DOCK4: variants seen among roughly 807,000 people sequenced by gnomAD.
The protein encoded by DOCK4 is dedicator of cytokinesis 4.
A neutral mutation model predicts 268.1 loss-of-function variants in DOCK4; 97 were observed. The ratio of observed to expected loss-of-function variants is 0.36; its 90% CI spans 0.31 to 0.43. DOCK4 has a LOEUF of 0.43. DOCK4 is among the 20% of genes least tolerant of loss of function. DOCK4 has a pLI of 1.00. For missense variants in DOCK4, 2,145 were observed against 2,455.7 expected, an observed-to-expected ratio of 0.87 and a Z score of 2.67; for synonymous variants, 954 against 887.2, an observed-to-expected ratio of 1.08 and a Z score of -1.34.
chr7:111,896,341 G>C (rs1473143544), intron 15 of DOCK4, among the ~76,000 whole-genome samples: 2 of 152,128 alleles, frequency 1.3e-5, no homozygotes, highest in Non-Finnish European at 2.9e-5. Flanking sequence ...GAGGCGATGA[G>C]GTTTTCAGAT....
chr7:112,139,000 T>G (rs1193695946), intron 1 of DOCK4, among the ~76,000 whole-genome samples: 2 of 152,208 alleles, frequency 1.3e-5, no homozygotes, highest in Admixed American at 6.5e-5. Context: ...TACATTGATC[T>G]TGGAATTCCA....
chr7:111,783,984 C>A (rs1475801054), intron 33 of DOCK4, 32 bp from the exon 34 acceptor site: 3 of 1,575,418 alleles, frequency 1.9e-6, no homozygotes, highest in Admixed American at 3.7e-5. Flanking sequence ...GCATTTTCAA[C>A]ATTTATTTTT....
intron 1 of DOCK4, among the ~76,000 whole-genome samples, chr7:112,082,106 T>C (rs543321393): frequency 2.5e-4 from 38 of 152,244 alleles, no homozygotes; most frequent in South Asian, 4.1e-4. Flanking sequence ...GCACCTGTCA[T>C]GGAATAGACA....
At chr7:111,831,779 G>C (rs139585885) in intron 26 of DOCK4, among the ~76,000 whole-genome samples, 2,686 of 152,188 alleles carry the variant, frequency 0.018, 37 homozygotes, top group Middle Eastern at 0.048. Flanking sequence ...ATGAGGTACC[G>C]TGTCTGGCCA....
At position 111,769,658 on chromosome 7, in the gene DOCK4, G is replaced by A. The variant is rs770921051; in HGVS notation, c.3699C>T (p.Leu1233=). Residue 1233 remains leucine, a synonymous_variant, in exon 37 of 53, where the codon CTC becomes CTT. Coordinates refer to ENST00000428084, the MANE Select transcript of DOCK4 (RefSeq NM_001363540.2). The part of the protein sequence containing the change: ...QNFTEAAYTL[L]LYDELLEWSD... Reference sequence around the variant, plus strand: ...ACCATTCCAGTAGCTCGTCATATAAGAGGAGGGTATATGCAGCTTCTGCAA... The same window carrying A: ...ACCATTCCAGTAGCTCGTCATATAAAAGGAGGGTATATGCAGCTTCTGCAA... 7 of 1,613,564 alleles carry A rather than the reference G, an allele frequency of 4.3e-6. No individual in the cohort carries two copies. In the East Asian group the frequency reaches 1.3e-4, roughly 31 times the overall value.
intron 25 of DOCK4, 24 bp downstream of exon 25, chr7:111,844,738 CG>C: frequency 1.2e-6 from 2 of 1,601,992 alleles, no homozygotes; most frequent in Non-Finnish European, 1.7e-6. Context: ...CCCTGTTCCA[CG>C]TGCCATCTGC....
intron 36 of DOCK4, among the ~76,000 whole-genome samples, chr7:111,770,357 C>A (rs372054503): frequency 6.6e-6 from 1 of 151,734 alleles, no homozygotes; most frequent in Non-Finnish European, 1.5e-5. Flanking sequence ...GAGAAAGAAC[C>A]GTTGCAGGCT....
At chr7:111,863,295 C>T in intron 23 of DOCK4, 77 bp downstream of exon 23, 4 of 1,510,318 alleles carry the variant, frequency 2.6e-6, no homozygotes, top group Non-Finnish European at 3.7e-6. Flanking sequence ...TTTTTAATTG[C>T]ATCTGCTGAC....
rs1243755248 is a variant in DOCK4 at position 111,933,296 on chromosome 7, A to ATTT, written c.1066+2243_1066+2244insAAA. 7.7e-4 allele frequency among the ~76,000 whole-genome samples: 83 copies of ATTT among 108,380 alleles called. 6 individuals carry two copies. Among genetic ancestry groups the ATTT allele is most frequent in the Non-Finnish European group, 1.1e-3 (62 of 53,982 alleles). 71.1% of individuals were successfully genotyped at this position (108,380 alleles called of 152,430 possible). A position where few individuals can be genotyped will look rare whatever the true frequency, so the allele number is the denominator to read the frequency against. On this transcript the variant is annotated intron_variant, in intron 12 of 52. Coordinates refer to ENST00000428084, the MANE Select transcript of DOCK4 (RefSeq NM_001363540.2). ...CATATATACATATATATATATATAT[A>ATTT]TATTTTTTTTTTTTTTTGAGATGGA...
chr7:111,953,016 C>T (rs934903941), intron 8 of DOCK4, among the ~76,000 whole-genome samples: 5 of 151,954 alleles, frequency 3.3e-5, no homozygotes, highest in African/African-American at 9.7e-5. Flanking sequence ...ACTTGAGCCT[C>T]GGAGTTCAAG....
At chr7:112,043,047 T>C (rs540018915) in intron 1 of DOCK4, among the ~76,000 whole-genome samples, 1 of 152,300 alleles carries the variant, frequency 6.6e-6, no homozygotes, top group South Asian at 2.1e-4. Flanking sequence ...CATCTTGGAC[T>C]TCCCAGCCTC....
chr7:112,166,299 T>C (rs1329891001), intron 1 of DOCK4, among the ~76,000 whole-genome samples: 1 of 152,092 alleles, frequency 6.6e-6, no homozygotes, highest in African/African-American at 2.4e-5. Flanking sequence ...GGGGTATGAC[T>C]GACAAAAAAA....
chr7:112,183,147 G>A (rs1378633533), intron 1 of DOCK4, among the ~76,000 whole-genome samples: 1 of 152,216 alleles, frequency 6.6e-6, no homozygotes, highest in Non-Finnish European at 1.5e-5. Context: ...AAGGGAATGA[G>A]CAAGGCCAGC....
intron 25 of DOCK4, among the ~76,000 whole-genome samples, chr7:111,842,450 C>G (rs2134069290): frequency 6.6e-6 from 1 of 152,332 alleles, no homozygotes; most frequent in Admixed American, 6.5e-5. Context: ...TAGCTGAACA[C>G]CACAGAAAAC....
chr7:111,881,660 G>GA (rs554861544), intron 16 of DOCK4, among the ~76,000 whole-genome samples: 41 of 152,280 alleles, frequency 2.7e-4, no homozygotes, highest in Non-Finnish European at 5.4e-4. Flanking sequence ...CAATAGCTAA[G>GA]ACTTGGAAGC....
At chr7:112,057,330 C>CAA (rs1292215041) in intron 1 of DOCK4, among the ~76,000 whole-genome samples, 2 of 152,024 alleles carry the variant, frequency 1.3e-5, no homozygotes, top group Non-Finnish European at 2.9e-5. Flanking sequence ...GCAGGTGAAT[C>CAA]AACTGAGCTC....
At chr7:111,988,935 T>C (rs564090252) in intron 6 of DOCK4, 80 bp downstream of exon 6, 3 of 1,517,354 alleles carry the variant, frequency 2.0e-6, no homozygotes, top group African/African-American at 1.4e-5. Context: ...TCCAGTGACA[T>C]TACCACGTTC....
intron 30 of DOCK4, among the ~76,000 whole-genome samples, chr7:111,800,709 A>C (rs989628763): frequency 2.0e-5 from 3 of 152,154 alleles, no homozygotes; most frequent in African/African-American, 7.2e-5. Context: ...AACTCCAAAC[A>C]GTGCTGCAAA....
At chr7:112,010,557 T>C (rs1013178644) in intron 1 of DOCK4, among the ~76,000 whole-genome samples, 1 of 152,138 alleles carries the variant, frequency 6.6e-6, no homozygotes, top group Non-Finnish European at 1.5e-5. Flanking sequence ...CTGGGAAGAA[T>C]AGAGAAATGC....
Sources: allele counts gnomAD v4.1 joint callset (sites outside exome capture counted in the v4.1 genomes callset), GRCh38; gene constraint gnomAD v4.1.1; transcripts MANE v1.5; gene names NCBI Gene and HGNC (gene_info 2026-07-23, HGNC 2026-07-21).